Variants in XPO5 observed in about 807,000 individuals in gnomAD.
XPO5 encodes the protein exportin-5.
In XPO5, 46 loss-of-function variants were observed where a neutral mutation model predicts 160.6. The ratio of observed to expected loss-of-function variants is 0.29; its 90% confidence interval spans 0.23 to 0.37. The LOEUF (loss-of-function observed/expected upper bound fraction) is 0.37. XPO5 is among the 10% of genes least tolerant of loss of function. XPO5 has a pLI of 1.00. For missense variants in XPO5, 1,090 were observed against 1,463.9 expected (o/e 0.74, Z 4.17); for synonymous variants, 537 against 519.3 (o/e 1.03, Z -0.46).
At chr6:43,566,696 G>A in intron 7 of XPO5, 1 of 345,906 alleles carries the variant, frequency 2.9e-6, no homozygotes, top group Non-Finnish European at 6.1e-6. Context: ...TATAGTCCTA[G>A]CTACTCGGGA....
chr6:43,525,313 C>T (rs1483090900), intron 28 of XPO5, 99 bp from the exon 29 acceptor site: 12 of 1,119,088 alleles, frequency 1.1e-5, no homozygotes, highest in African/African-American at 1.6e-5. Context: ...TTTTTTTCCT[C>T]CCCCCCTCTA....
intron 23 of XPO5, chr6:43,529,299 T>C (rs548561862): frequency 2.6e-6 from 3 of 1,152,304 alleles, no homozygotes; most frequent in East Asian, 4.7e-5. Context: ...TCCCAGCACT[T>C]TGGGAGGCCA....
At chr6:43,524,141 C>G in intron 31 of XPO5, 136 bp from the exon 32 acceptor site, 25 of 1,316,028 alleles carry the variant, frequency 1.9e-5, no homozygotes, top group Non-Finnish European at 2.5e-5. Context: ...CACCTGAGGT[C>G]AGGAGTTCAA....
intron 20 of XPO5, among the ~76,000 whole-genome samples, chr6:43,545,377 A>C (rs937092260): frequency 6.6e-6 from 1 of 152,108 alleles, no homozygotes; most frequent in Non-Finnish European, 1.5e-5. Flanking sequence ...AGGGGCCAAA[A>C]AGTACTGAAA....
At chr6:43,540,886 T>G (rs1250112451) in intron 20 of XPO5, among the ~76,000 whole-genome samples, 1 of 151,102 alleles carries the variant, frequency 6.6e-6, no homozygotes, top group East Asian at 1.9e-4. Context: ...TCACATAACA[T>G]AAAACTAACC....
rs1794970023 is a variant in XPO5, at chr6:43,546,488, T to C, written c.2342+83A>G. On this transcript the variant is annotated intron_variant, in intron 20 of 31. Transcript: ENST00000265351. ...ATCCCTCATTAATACCACTAAGATATGAAGACATGTAAACAGACTAAACTT... is the reference window on the plus strand; with the variant it reads ...ATCCCTCATTAATACCACTAAGATACGAAGACATGTAAACAGACTAAACTT... The C allele has an allele frequency of 1.1e-5, 15 of 1,356,416 alleles. No homozygotes were observed. In the South Asian group the frequency reaches 2.0e-4, roughly 18 times the overall value. The allele number at this position is 1,356,416 out of a possible 1,614,324, so 84.0% of individuals were successfully genotyped here.
rs908639520 is a variant in XPO5, at chr6:43,528,298, G to A, written c.2776-93C>T. ...CAAGTCCACTTCATGATTAAAATTA[G>A]CCAAGGATGATTCTAGGCATCAATG... On this transcript the variant is annotated intron_variant, in intron 24 of 31. Coordinates refer to ENST00000265351, the MANE Select transcript of XPO5 (RefSeq NM_020750.3). The A allele has an allele frequency of 7.5e-6, 10 of 1,329,594 alleles. No individual in the cohort carries two copies. The African/African-American group carries it at 8.8e-5, about 12-fold the overall frequency. 82.4% of individuals were successfully genotyped at this position (1,329,594 alleles called of 1,614,324 possible).
At chr6:43,556,028 T>G (rs1762063355) in intron 12 of XPO5, 64 bp from the exon 13 acceptor site, 1 of 1,584,574 alleles carries the variant, frequency 6.3e-7, no homozygotes, top group Non-Finnish European at 8.6e-7. Flanking sequence ...AAGTACTTAA[T>G]GTTTATTAAT....
intron 11 of XPO5, 142 bp downstream of exon 11, chr6:43,560,036 C>A: frequency 9.5e-7 from 1 of 1,051,704 alleles, no homozygotes; most frequent in South Asian, 1.8e-5. Context: ...ACAGGCTGGT[C>A]TCCAACTCCT....
chr6:43,568,750 A>AT lies in XPO5; in HGVS notation c.622-14dup, dbSNP rs1358560625. ...AAGTATCTGTCTTCTGAAAGGAAGT[A>AT]TAAAGATCCAGTGTTTTTAATGAGC... is the stretch of plus-strand genomic sequence containing the variant. On this transcript the variant is annotated splice_polypyrimidine_tract_variant and intron_variant, in intron 5 of 31. Transcript: ENST00000265351. 6 of 1,570,872 alleles carry AT rather than the reference A, an allele frequency of 3.8e-6. No individual in the cohort carries two copies. Among genetic ancestry groups the AT allele is most frequent in the South Asian group, 3.5e-5 (3 of 84,586 alleles).
At chr6:43,553,264 T>C in intron 14 of XPO5, 109 bp downstream of exon 14, 1 of 1,365,042 alleles carries the variant, frequency 7.3e-7, no homozygotes, top group Non-Finnish European at 9.7e-7. Flanking sequence ...ATTGTGCCAC[T>C]GCATTTCAGC....
chr6:43,526,200 G>A, intron 27 of XPO5: 1 of 456,826 alleles, frequency 2.2e-6, no homozygotes. Flanking sequence ...AAATATTTGA[G>A]CACCAGACAC....
chr6:43,567,148 C>A, intron 7 of XPO5, 21 bp downstream of exon 7: 1 of 1,598,878 alleles, frequency 6.3e-7, no homozygotes, highest in South Asian at 1.1e-5. Context: ...GAGGATAAGT[C>A]AGTTTGAAGT....
intron 23 of XPO5, among the ~76,000 whole-genome samples, chr6:43,530,117 C>T (rs1022853617): frequency 1.6e-4 from 25 of 152,038 alleles, no homozygotes; most frequent in African/African-American, 6.0e-4. Flanking sequence ...ATTAGCTGGG[C>T]GTAGTAGCAT....
At chr6:43,554,545 C>T (rs1186268783) in intron 13 of XPO5, among the ~76,000 whole-genome samples, 5 of 151,974 alleles carry the variant, frequency 3.3e-5, no homozygotes, top group Non-Finnish European at 7.4e-5. Flanking sequence ...CTGCCTCAGC[C>T]TCCTGAGTAG....
At chr6:43,561,877 C>T (rs1353180091) in intron 9 of XPO5, 1 of 162,154 alleles carries the variant, frequency 6.2e-6, no homozygotes, top group African/African-American at 2.4e-5. Flanking sequence ...TAATACATCC[C>T]TTAGATTGGG....
intron 20 of XPO5, among the ~76,000 whole-genome samples, chr6:43,536,758 T>TAAA (rs1156884252): frequency 0.011 from 208 of 19,068 alleles, 14 homozygotes; most frequent in African/African-American, 0.02. Context: ...AGACTCTATC[T>TAAA]AAAAAAAAAA....
Position 43,567,252 on chromosome 6 carries a change from G to A in XPO5, c.751C>T (p.Leu251=). 2 of 1,613,976 alleles carry A rather than the reference G, an allele frequency of 1.2e-6. No homozygotes were observed. The highest frequency in any genetic ancestry group is 1.3e-5 in the African/African-American group (1 of 75,040). Reference sequence around the variant, plus strand: ...TTCAACAGCAAACACAGTATCTCCAGGAGTTTACAGTTTTCAGCAGTGATG... The same window carrying A: ...TTCAACAGCAAACACAGTATCTCCAAGAGTTTACAGTTTTCAGCAGTGATG... ...SHITAENCKL[L]EILCLLLNEQ... is the part of the protein sequence containing the mutation. The change falls in exon 7 of 32, where the codon CTG becomes TTG. Residue 251 remains leucine (L), a synonymous_variant. Transcript: ENST00000265351.
intron 3 of XPO5, 118 bp downstream of exon 3, chr6:43,572,388 T>C (rs1763055252): frequency 2.0e-6 from 2 of 994,502 alleles, no homozygotes; most frequent in Admixed American, 4.1e-5. Context: ...AAATTATGAT[T>C]TCTTGTGCTG....
Sources: allele counts gnomAD v4.1 joint callset (sites outside exome capture counted in the v4.1 genomes callset), GRCh38; gene constraint gnomAD v4.1.1; transcripts MANE v1.5; gene names NCBI Gene and HGNC (gene_info 2026-07-23, HGNC 2026-07-21).